Variants in BOD1L1 observed in about 807,000 individuals in gnomAD.
BOD1L1 encodes biorientation of chromosomes in cell division 1 like 1, also known as biorientation of chromosomes in cell division protein 1-like 1.
BOD1L1 carries 86 observed loss-of-function variants against 240.7 expected under a neutral mutation model. That is an observed-to-expected ratio of 0.36 (90% CI 0.30 to 0.43). BOD1L1 has a LOEUF of 0.43. Ranked by LOEUF, BOD1L1 falls within the 20% of genes least tolerant of loss-of-function variation. The pLI is 1.00. For missense variants in BOD1L1, 3,554 were observed against 3,643.5 expected (o/e 0.98, Z 0.63); for synonymous variants, 1,268 against 1,272.3 (o/e 1.00, Z 0.07).
At chr4:13,595,470 A>G (rs534399723) in intron 12 of BOD1L1, among the ~76,000 whole-genome samples, 18 of 152,318 alleles carry the variant, frequency 1.2e-4, no homozygotes, top group Middle Eastern at 3.4e-3. Context: ...TGAGCAAGAG[A>G]CAAGAGCAAA....
At position 13,613,343 on chromosome 4, in the gene BOD1L1, C is replaced by A. The variant is rs1426483370; in HGVS notation, c.1324+169G>T. On this transcript the variant is annotated intron_variant, in intron 5 of 25. Coordinates refer to ENST00000040738, the MANE Select transcript of BOD1L1 (RefSeq NM_148894.3). This position sits in a 1 kb window ranked among gnomAD's most constrained non-coding sequence, Gnocchi z 4.0. ...TGTTGAGATTTAGTAACTTACCAAGCTTGCTCAGACAGACAACTTTGGAGC... is the reference window on the plus strand; with the variant it reads ...TGTTGAGATTTAGTAACTTACCAAGATTGCTCAGACAGACAACTTTGGAGC... Among the ~76,000 whole-genome samples, 1 of 152,154 alleles carries A rather than the reference C, an allele frequency of 6.6e-6. No individual in the cohort carries two copies. Among genetic ancestry groups the A allele is most frequent in the African/African-American group, 2.4e-5 (1 of 41,432 alleles).
Position 13,599,652 on chromosome 4 carries a change from G to C in BOD1L1, c.7248C>G (p.Pro2416=), listed in dbSNP as rs1714934308. 6.2e-7 allele frequency: 1 copy of C among 1,614,000 alleles called. No homozygotes were observed. Among genetic ancestry groups the C allele is most frequent in the Non-Finnish European group, 8.5e-7 (1 of 1,179,898 alleles). ...CACTTGGATGGCCTTGCCCTGCAGA[G>C]GGCTTGTGGACTGATGGCCCGTTGT... ...EGHNGPSVHK[P]SAGQGHPSAV... The change falls in exon 10 of 26, where the codon CCC becomes CCG. Residue 2416 remains proline (P), a synonymous_variant. Coordinates refer to ENST00000040738, the MANE Select transcript of BOD1L1 (RefSeq NM_148894.3).
chr4:13,614,389 G>A lies in BOD1L1; in HGVS notation c.981C>T (p.Asp327=), dbSNP rs779067499. The A allele has an allele frequency of 5.8e-6, 9 of 1,564,924 alleles. No individual in the cohort carries two copies. Among genetic ancestry groups the A allele is most frequent in the Non-Finnish European group, 6.1e-6 (7 of 1,153,062 alleles). The change falls in exon 4 of 26, where the codon GAC becomes GAT. Residue 327 remains aspartate (D), a synonymous_variant. Transcript: ENST00000040738. ...KSTDKGEKKP[D]SNEKGERKKE... is the part of the protein sequence containing the mutation. ...TCTTTCTTTCTCCTTTCTCATTGCTGTCTGGCTTCTTTTCACCTTTGTCTG... is the reference window on the plus strand; with the variant it reads ...TCTTTCTTTCTCCTTTCTCATTGCTATCTGGCTTCTTTTCACCTTTGTCTG...
chr4:13,572,167 T>C (rs188202016), intron 25 of BOD1L1, among the ~76,000 whole-genome samples: 67 of 152,012 alleles, frequency 4.4e-4, no homozygotes, highest in South Asian at 1.7e-3. Flanking sequence ...CAAGAAGAGA[T>C]GAAAATGGGC....
At chr4:13,624,738 C>T (rs1434596316) in intron 1 of BOD1L1, 2 of 152,184 alleles carry the variant, frequency 1.3e-5, no homozygotes, top group East Asian at 3.9e-4. Context: ...ACTTCTCATC[C>T]TGGTTTAAAC....
At position 13,615,336 on chromosome 4, in the gene BOD1L1, G is replaced by C. The variant is rs1206965828; in HGVS notation, c.535C>G (p.Pro179Ala). The C allele has an allele frequency of 6.2e-7, 1 of 1,612,398 alleles. No homozygotes were observed. Among genetic ancestry groups the C allele is most frequent in the East Asian group, 2.2e-5 (1 of 44,852 alleles). ...SGNTAPDDEK[P>A]DTSLITQGVP... The stretch of plus-strand genomic sequence containing the variant: ...CCTTGTGTAATAAGGGAAGTGTCTG[G>C]TTTCTCATCATCGGGAGCTGTGTTG... Residue 179 changes from proline (P) to alanine (A), a missense_variant, in exon 3 of 26, where the codon CCA (proline) becomes GCA (alanine). Transcript: ENST00000040738.
chr4:13,587,307 A>C (rs1158070492), intron 16 of BOD1L1, among the ~76,000 whole-genome samples: 3 of 152,216 alleles, frequency 2.0e-5, no homozygotes, highest in African/African-American at 7.2e-5. Context: ...ACCGTTACAG[A>C]CCATGAGAAA....
chr4:13,579,621 C>T (rs1201643421), intron 22 of BOD1L1, among the ~76,000 whole-genome samples: 1 of 152,142 alleles, frequency 6.6e-6, no homozygotes, highest in Non-Finnish European at 1.5e-5. Context: ...AAAATGCAAG[C>T]AATATTGACA....
Position 13,613,703 on chromosome 4 carries a change from T to G in BOD1L1, c.1175-42A>C. 6 of 1,441,628 alleles carry G rather than the reference T, an allele frequency of 4.2e-6. No homozygotes were observed. The highest frequency in any genetic ancestry group is 5.6e-6 in the Non-Finnish European group (6 of 1,075,398). The allele number at this position is 1,441,628 out of a possible 1,614,324, so 89.3% of individuals were successfully genotyped here. On this transcript the variant is annotated intron_variant, in intron 4 of 25. Transcript: ENST00000040738. The surrounding 1 kb of genome is among the most constrained non-coding windows in gnomAD (Gnocchi z 4.0). ...AAACACAGAAAAAAAAATCATCTTA[T>G]TATAAGAACATACTCAGAGCTCAAT... is the stretch of plus-strand genomic sequence containing the variant.
At chr4:13,586,356 C>T in intron 17 of BOD1L1, 40 bp downstream of exon 17, 8 of 1,384,472 alleles carry the variant, frequency 5.8e-6, no homozygotes, top group Non-Finnish European at 8.2e-6. Flanking sequence ...GGCCTCCCTA[C>T]CCCCACCCAA....
At chr4:13,612,758 G>A (rs1387752695) in intron 5 of BOD1L1, among the ~76,000 whole-genome samples, 1 of 152,126 alleles carries the variant, frequency 6.6e-6, no homozygotes, top group African/African-American at 2.4e-5. Context: ...ACAGTCTAAC[G>A]ATGTGATTTA....
At chr4:13,620,128 AG>A (rs1487057322) in intron 1 of BOD1L1, 61 bp from the exon 2 acceptor site, 6 of 1,473,252 alleles carry the variant, frequency 4.1e-6, no homozygotes, top group Non-Finnish European at 5.4e-6. Context: ...TTCACCTCTC[AG>A]AAAAGTATTT....
Position 13,602,781 on chromosome 4 carries a change from A to T in BOD1L1, c.4119T>A (p.Thr1373=), listed in dbSNP as rs1715316905. The change falls in exon 10 of 26, where the codon ACT becomes ACA. Residue 1373 remains threonine (T), a synonymous_variant. Transcript: ENST00000040738. ...KRHIPEAHQA[T]LLDGKQGKVI... is the part of the protein sequence containing the mutation. ...CCTTTCCTTGTTTACCATCCAATAA[A>T]GTAGCCTGGTGAGCTTCTGGAATGT... is the stretch of plus-strand genomic sequence containing the variant. 1 of 1,613,968 alleles carries T rather than the reference A, an allele frequency of 6.2e-7. No individual in the cohort carries two copies. The highest frequency in any genetic ancestry group is 1.3e-5 in the African/African-American group (1 of 75,034).
chr4:13,596,964 G>T, intron 11 of BOD1L1, 140 bp downstream of exon 11: 1 of 659,966 alleles, frequency 1.5e-6, no homozygotes, highest in Non-Finnish European at 2.5e-6. Flanking sequence ...TCCCCCCACA[G>T]GATATGGCAA....
Position 13,602,392 on chromosome 4 carries a change from TCA to T in BOD1L1, c.4506_4507del (p.Glu1503GlyfsTer7). 2 of 1,613,978 alleles carry T rather than the reference TCA, an allele frequency of 1.2e-6. No individual in the cohort carries two copies. Among genetic ancestry groups the T allele is most frequent in the Non-Finnish European group, 1.7e-6 (2 of 1,179,886 alleles). ...TCTCCTAGGCCCAGTTGCCACATCC[TCA>T]GTTTGTCCGTTCCTTTGGTGTAAAA... On this transcript the variant is annotated frameshift_variant, in exon 10 of 26. Transcript: ENST00000040738. LOFTEE classifies it high-confidence loss of function.
intron 1 of BOD1L1, chr4:13,623,861 CA>C (rs1475893287): frequency 6.6e-6 from 1 of 152,126 alleles, no homozygotes; most frequent in Admixed American, 6.5e-5. Flanking sequence ...GAAAGCAGGT[CA>C]GTCTTTGAGG....
chr4:13,619,492 CA>C (rs1716883456), intron 2 of BOD1L1, among the ~76,000 whole-genome samples: 1 of 151,866 alleles, frequency 6.6e-6, no homozygotes. Flanking sequence ...TAGTAAAATG[CA>C]AAAGACGGGG....
At chr4:13,592,250 T>C in intron 12 of BOD1L1, 1 of 329,130 alleles carries the variant, frequency 3.0e-6, no homozygotes. Flanking sequence ...ACTATGTTGG[T>C]GATCTGAAGC....
chr4:13,601,753 C>A lies in BOD1L1; in HGVS notation c.5147G>T (p.Arg1716Ile), dbSNP rs745730291. 1 of 1,613,994 alleles carries A rather than the reference C, an allele frequency of 6.2e-7. No homozygotes were observed. Among genetic ancestry groups the A allele is most frequent in the South Asian group, 1.1e-5 (1 of 91,082 alleles). ...EVDGSQGNMM[R>I]MGPKKETEGT... Reference sequence around the variant, plus strand: ...CTCTGTTTCTTTTTTGGGACCCATTCTCATCATATTTCCCTGGGAGCCATC... The same window carrying A: ...CTCTGTTTCTTTTTTGGGACCCATTATCATCATATTTCCCTGGGAGCCATC... Residue 1716 changes from arginine to isoleucine, a missense_variant, in exon 10 of 26, where the codon AGA (arginine) becomes ATA (isoleucine). Arg to Ile is a moderately conservative substitution (Grantham distance 97). Transcript: ENST00000040738.
Sources: allele counts gnomAD v4.1 joint callset (sites outside exome capture counted in the v4.1 genomes callset), GRCh38; gene constraint gnomAD v4.1.1; non-coding constraint Gnocchi (gnomAD v3.1); transcripts MANE v1.5; gene names NCBI Gene and HGNC (gene_info 2026-07-23, HGNC 2026-07-21).